ELP4: variants seen among roughly 807,000 people sequenced by gnomAD.
ELP4 encodes elongator acetyltransferase complex subunit 4, also known as elongator complex protein 4.
In ELP4, 51 loss-of-function variants were observed where a neutral mutation model predicts 48.9. The ratio of observed to expected loss-of-function variants is 1.04; its 90% CI spans 0.83 to 1.32. The LOEUF is 1.32. Among genes scored for constraint, ELP4 ranks in the 40% most tolerant of loss-of-function variants. The pLI, the probability that ELP4 is intolerant of heterozygous loss-of-function variation, is 0.00. For synonymous variants in ELP4, 210 were observed against 189.2 expected (o/e 1.11, Z -0.90); for missense variants, 519 against 514.6 (o/e 1.01, Z -0.08).
intron 5 of ELP4, among the ~76,000 whole-genome samples, chr11:31,622,362 A>T (rs1944641614): frequency 1.3e-5 from 2 of 151,418 alleles, no homozygotes; most frequent in African/African-American, 2.4e-5. Context: ...AGTTGAAGTG[A>T]CTTTTTTTCT....
intron 3 of ELP4, among the ~76,000 whole-genome samples, chr11:31,585,447 A>G (rs1392928333): frequency 6.6e-6 from 1 of 152,028 alleles, no homozygotes; most frequent in Non-Finnish European, 1.5e-5. Context: ...AAAAAAAAAA[A>G]AAGATTGCAC....
At chr11:31,750,259 G>A (rs910592222) in intron 9 of ELP4, among the ~76,000 whole-genome samples, 12 of 152,142 alleles carry the variant, frequency 7.9e-5, no homozygotes, top group Non-Finnish European at 1.8e-4. Flanking sequence ...ATCACCCCAA[G>A]GAAGGGAGTA....
chr11:31,654,684 A>G (rs993193743), intron 9 of ELP4: 1 of 151,874 alleles, frequency 6.6e-6, no homozygotes, highest in East Asian at 1.9e-4. Flanking sequence ...GCTAGTAGCT[A>G]TGATAATGTG....
rs574145756 is a variant in ELP4, at chr11:31,565,248, A to C, written c.381+25465A>C. Among the ~76,000 whole-genome samples, 110 of 152,036 alleles carry C rather than the reference A, an allele frequency of 7.2e-4. No homozygotes were observed. In the Middle Eastern group the frequency reaches 0.02, roughly 28 times the overall value. ...TGTTTTTTTCTTGTAAATTTGTTTG[A>C]GTTCTTTGTAGATGCTAGATATTAG... On this transcript the variant is annotated intron_variant, in intron 3 of 9. Coordinates refer to ENST00000640961, the MANE Select transcript of ELP4 (RefSeq NM_019040.5).
chr11:31,771,384 G>A (rs1440077204), intron 9 of ELP4, among the ~76,000 whole-genome samples: 1 of 152,100 alleles, frequency 6.6e-6, no homozygotes, highest in African/African-American at 2.4e-5. Context: ...ACTTTGTAAG[G>A]ATGTGGGTAA....
At chr11:31,742,064 G>C (rs1400321223) in intron 9 of ELP4, among the ~76,000 whole-genome samples, 1 of 152,198 alleles carries the variant, frequency 6.6e-6, no homozygotes, top group Non-Finnish European at 1.5e-5. Flanking sequence ...ACCTGATAGA[G>C]CTGAAAACCA....
At chr11:31,742,268 G>C (rs1396076549) in intron 9 of ELP4, among the ~76,000 whole-genome samples, 2 of 152,228 alleles carry the variant, frequency 1.3e-5, no homozygotes, top group Non-Finnish European at 1.5e-5. Context: ...AACTACGTCT[G>C]ATTGGTGTAC....
intron 5 of ELP4, among the ~76,000 whole-genome samples, chr11:31,621,796 G>C (rs1340348419): frequency 1.3e-5 from 2 of 151,888 alleles, no homozygotes; most frequent in Non-Finnish European, 2.9e-5. Context: ...ATGGAGCCAT[G>C]TTCAGACCTC....
At chr11:31,576,394 T>G (rs889198112) in intron 3 of ELP4, among the ~76,000 whole-genome samples, 1 of 152,032 alleles carries the variant, frequency 6.6e-6, no homozygotes, top group Non-Finnish European at 1.5e-5. Flanking sequence ...AGACAGAAAG[T>G]TAACAAGGAT....
At chr11:31,530,390 A>T (rs1284671255) in intron 2 of ELP4, among the ~76,000 whole-genome samples, 14 of 152,218 alleles carry the variant, frequency 9.2e-5, no homozygotes, top group Admixed American at 9.2e-4. Flanking sequence ...TTACGTACAC[A>T]AAGAATGGCT....
chr11:31,563,215 C>A (rs1044549683), intron 3 of ELP4, among the ~76,000 whole-genome samples: 23 of 152,118 alleles, frequency 1.5e-4, no homozygotes, highest in African/African-American at 5.6e-4. Context: ...CTCAGTAGTA[C>A]TTCTGCTGAA....
chr11:31,531,814 A>G (rs1357965391), intron 2 of ELP4, among the ~76,000 whole-genome samples: 2 of 152,098 alleles, frequency 1.3e-5, no homozygotes, highest in Admixed American at 1.3e-4. Context: ...TAATGTGGAG[A>G]ATAGATTGGA....
chr11:31,603,656 T>G (rs1957820796), intron 4 of ELP4, 112 bp from the exon 5 acceptor site: 7 of 1,117,400 alleles, frequency 6.3e-6, no homozygotes, highest in Non-Finnish European at 9.0e-6. Flanking sequence ...TATCCGTTCT[T>G]CCTTATTAGC....
intron 9 of ELP4, among the ~76,000 whole-genome samples, chr11:31,669,687 A>G (rs1424931553): frequency 6.6e-6 from 1 of 152,132 alleles, no homozygotes; most frequent in Non-Finnish European, 1.5e-5. Flanking sequence ...TTAGCACACA[A>G]TAGATACGTA....
chr11:31,608,381 G>C (rs1451236296), intron 5 of ELP4, among the ~76,000 whole-genome samples: 1 of 152,098 alleles, frequency 6.6e-6, no homozygotes, highest in East Asian at 1.9e-4. Flanking sequence ...TATGGAGAAT[G>C]TGTTGGTCTA....
intron 9 of ELP4, among the ~76,000 whole-genome samples, chr11:31,751,563 T>G (rs1163928230): frequency 6.6e-6 from 1 of 152,124 alleles, no homozygotes; most frequent in Non-Finnish European, 1.5e-5. Context: ...ACTCAGAGTT[T>G]GACATTGAAT....
Position 31,630,130 on chromosome 11 carries a change from A to G in ELP4, c.739-2087A>G, listed in dbSNP as rs188126603. On this transcript the variant is annotated intron_variant, in intron 6 of 9. Transcript: ENST00000640961. ...GGTTGTCTATCATAACTTTAACACAATCATTTAAAAAATTGAACCAGCTGC... is the reference window on the plus strand; with the variant it reads ...GGTTGTCTATCATAACTTTAACACAGTCATTTAAAAAATTGAACCAGCTGC... Among the ~76,000 whole-genome samples the G allele has an allele frequency of 2.6e-3, 390 of 151,782 alleles. 3 individuals are homozygous for G. Among genetic ancestry groups the G allele is most frequent in the African/African-American group, 9.2e-3 (379 of 41,370 alleles).
rs886048201 is a variant in ELP4, at chr11:31,789,827, C to T, written c.*6303C>T. The T allele has an allele frequency of 2.0e-6, 2 of 1,019,804 alleles. No homozygotes were observed. The highest frequency in any genetic ancestry group is 2.7e-5 in the South Asian group (2 of 73,550). 63.2% of individuals were successfully genotyped at this position (1,019,804 alleles called of 1,614,324 possible). Reference sequence around the variant, plus strand: ...ACACAATTGTAGAACTGAAGCGGCTCTAACAGCCATTTTTCTTTCTTTCCT... The same window carrying T: ...ACACAATTGTAGAACTGAAGCGGCTTTAACAGCCATTTTTCTTTCTTTCCT... On this transcript the variant is annotated 3_prime_UTR_variant, in exon 10 of 10. Coordinates refer to ENST00000640961, the MANE Select transcript of ELP4 (RefSeq NM_019040.5).
chr11:31,534,018 T>C (rs1427974365), intron 2 of ELP4, among the ~76,000 whole-genome samples: 1 of 151,376 alleles, frequency 6.6e-6, no homozygotes, highest in East Asian at 2.0e-4. Flanking sequence ...TTGTATTTTT[T>C]ACTAGAGACG....
Sources: allele counts gnomAD v4.1 joint callset (sites outside exome capture counted in the v4.1 genomes callset), GRCh38; gene constraint gnomAD v4.1.1; transcripts MANE v1.5; gene names NCBI Gene and HGNC (gene_info 2026-07-23, HGNC 2026-07-21).